The following WDR31 variants were observed in gnomAD, a reference collection of about 807,000 sequenced individuals.
WDR31 encodes WD repeat domain 31.
A neutral mutation model predicts 47.3 loss-of-function variants in WDR31; 30 were observed. The observed-to-expected ratio is 0.63, with a 90% CI of 0.47 to 0.86. The LOEUF (loss-of-function observed/expected upper bound fraction) is 0.86. Ranked by LOEUF, WDR31 falls within the 40% of genes least tolerant of loss-of-function variation. The probability of loss-of-function intolerance (pLI) is 0.00; values close to 1 mark genes in which losing one functional copy is unlikely to be tolerated. For missense variants in WDR31, 406 were observed against 442.9 expected, an observed-to-expected ratio of 0.92 and a Z score of 0.75; for synonymous variants, 137 against 159.4, an observed-to-expected ratio of 0.86 and a Z score of 1.06.
rs139500220 is a variant in WDR31 at position 113,334,580 on chromosome 9, C to G, written c.-29+1708G>C. ...TTGAGACGGAGTTTCACTCTTGTCA[C>G]CCAGGCTGGAGTGCAATGGCGTGAT... is the stretch of plus-strand genomic sequence containing the variant. On this transcript the variant is annotated intron_variant, in intron 2 of 10. Coordinates refer to ENST00000374193, the MANE Select transcript of WDR31 (RefSeq NM_001012361.4). Among the ~76,000 whole-genome samples the G allele has an allele frequency of 6.0e-3, 908 of 151,980 alleles. 9 individuals are homozygous for G. The highest frequency in any genetic ancestry group is 0.021 in the African/African-American group (856 of 41,498).
intron 3 of WDR31, among the ~76,000 whole-genome samples, chr9:113,331,475 G>A (rs1348536863): frequency 6.6e-6 from 1 of 152,156 alleles, no homozygotes; most frequent in Non-Finnish European, 1.5e-5. Flanking sequence ...TTGAGACAGA[G>A]TCTCACTCTG....
chr9:113,316,648 C>CCAG lies in WDR31; in HGVS notation c.*98_*100dup, dbSNP rs1318857635. 7.1e-7 allele frequency: 1 copy of CCAG among 1,398,630 alleles called. No homozygotes were observed. Among genetic ancestry groups the CCAG allele is most frequent in the African/African-American group, 1.4e-5 (1 of 69,660 alleles). 86.6% of individuals were successfully genotyped at this position (1,398,630 alleles called of 1,614,324 possible). ...TGTAAATGAACCTAAGCAAAGAATA[C>CCAG]CAGCCCTACATCCCACTCCCCTCAA... is the stretch of plus-strand genomic sequence containing the variant. On this transcript the variant is annotated 3_prime_UTR_variant, in exon 11 of 11. Coordinates refer to ENST00000374193, the MANE Select transcript of WDR31 (RefSeq NM_001012361.4).
intron 5 of WDR31, among the ~76,000 whole-genome samples, chr9:113,323,676 C>T (rs974810460): frequency 2.0e-5 from 3 of 152,246 alleles, no homozygotes; most frequent in Admixed American, 6.5e-5. Flanking sequence ...CTTTATGTAG[C>T]AGATTTCCTC....
At chr9:113,318,275 G>A (rs529168235) in intron 10 of WDR31, among the ~76,000 whole-genome samples, 200 bp downstream of exon 10, 8 of 152,340 alleles carry the variant, frequency 5.3e-5, no homozygotes, top group African/African-American at 1.7e-4. Context: ...AAATCTACGT[G>A]AGTTCTCAGG....
intron 5 of WDR31, among the ~76,000 whole-genome samples, chr9:113,323,698 G>A (rs1833384694): frequency 6.6e-6 from 1 of 152,150 alleles, no homozygotes; most frequent in Non-Finnish European, 1.5e-5. Context: ...TGTCCTTCAG[G>A]GTAAGGTTAA....
chr9:113,330,889 C>A (rs1328709111), intron 4 of WDR31, 95 bp downstream of exon 4: 27 of 1,397,024 alleles, frequency 1.9e-5, no homozygotes, highest in Non-Finnish European at 2.3e-5. Context: ...CACTTGTCAA[C>A]CCTGCTCCAG....
rs547493799 is a variant in WDR31 at position 113,338,976 on chromosome 9, C to T, written c.-182+1241G>A. 3.9e-5 allele frequency among the ~76,000 whole-genome samples: 6 copies of T among 152,284 alleles called. No individual in the cohort carries two copies. In the South Asian group the frequency reaches 8.3e-4, roughly 21 times the overall value. ...AGCGCCCTTTTAACCTGCCCAACAA[C>T]ATATCCCTTAGAGAGCAGTCACCCT... On this transcript the variant is annotated intron_variant, in intron 1 of 10. Coordinates refer to ENST00000374193, the MANE Select transcript of WDR31 (RefSeq NM_001012361.4).
chr9:113,316,788 G>C lies in WDR31; in HGVS notation c.1065C>G (p.His355Gln). The C allele has an allele frequency of 6.2e-7, 1 of 1,614,128 alleles. No individual in the cohort carries two copies. Among genetic ancestry groups the C allele is most frequent in the Non-Finnish European group, 8.5e-7 (1 of 1,180,022 alleles). Residue 355 changes from histidine to glutamine, a missense_variant, in exon 11 of 11, where the codon CAC (histidine) becomes CAG (glutamine). By Grantham distance (24) the His-to-Gln change is conservative. Transcript: ENST00000374193. ...NRGIHLLRMDHSQGLELQEVA... is the reference protein window; with the variant it reads ...NRGIHLLRMDQSQGLELQEVA... ...CTTCCTGCAGTTCCAGCCCTTGGCT[G>C]TGGTCCATTCTGAGTAAGTGAATTC...
chr9:113,329,553 T>C lies in WDR31; in HGVS notation c.250-598A>G, dbSNP rs574884848. The stretch of plus-strand genomic sequence containing the variant: ...TACTAAGGAGGCTGAGACAGGAGAA[T>C]TGCTTGAACCTGGGAGGTGGAGATT... On this transcript the variant is annotated intron_variant, in intron 4 of 10. Transcript: ENST00000374193. Among the ~76,000 whole-genome samples, 25 of 151,430 alleles carry C rather than the reference T, an allele frequency of 1.7e-4. No individual in the cohort carries two copies. In the South Asian group the frequency reaches 4.8e-3, roughly 29 times the overall value.
rs529392881 is a variant in WDR31, at chr9:113,316,618, C to T, written c.*131G>A. On this transcript the variant is annotated 3_prime_UTR_variant, in exon 11 of 11. Transcript: ENST00000374193. ...AATTATTGGACTTACAACACTGATA[C>T]ATCTTGTAAATGAACCTAAGCAAAG... 1.0e-4 allele frequency: 115 copies of T among 1,122,858 alleles called. No homozygotes were observed. The highest frequency in any genetic ancestry group is 1.2e-4 in the Admixed American group (5 of 41,042). 69.6% of individuals were successfully genotyped at this position (1,122,858 alleles called of 1,614,324 possible).
Position 113,318,588 on chromosome 9 carries a change from T to C in WDR31, c.830A>G (p.His277Arg), listed in dbSNP as rs769527821. 1 of 1,614,214 alleles carries C rather than the reference T, an allele frequency of 6.2e-7. No homozygotes were observed. The highest frequency in any genetic ancestry group is 8.5e-7 in the Non-Finnish European group (1 of 1,180,032). The change falls in exon 10 of 11, where the codon CAT (histidine) becomes CGT (arginine). Residue 277 changes from histidine to arginine, a missense_variant. Physicochemically the swap from His to Arg is conservative, Grantham distance 29. Coordinates refer to ENST00000374193, the MANE Select transcript of WDR31 (RefSeq NM_001012361.4). ...TRNRICEYKG[H>R]FQTVASCVFL... ...GACGCAGGATGCGACAGTCTGGAAA[T>C]GCCCCTTATACTCACATATTCTGTT...
At chr9:113,322,239 G>GAC (rs768474171) in intron 7 of WDR31, among the ~76,000 whole-genome samples, 1 of 151,848 alleles carries the variant, frequency 6.6e-6, no homozygotes, top group Non-Finnish European at 1.5e-5. Flanking sequence ...TATAAATGAA[G>GAC]ACACAGACAC....
Position 113,316,807 on chromosome 9 carries a change from T to G in WDR31, c.1046A>C (p.His349Pro), listed in dbSNP as rs760468588. The change falls in exon 11 of 11, where the codon CAC becomes CCC. Residue 349 changes from histidine (H) to proline (P), a missense_variant. By Grantham distance (77) the His-to-Pro change is moderately conservative (BLOSUM62 -2). Transcript: ENST00000374193. ...TTGGCTGTGGTCCATTCTGAGTAAG[T>G]GAATTCCTCTGTTAAAACTTGCACA... is the stretch of plus-strand genomic sequence containing the variant. Reference protein sequence around the residue: ...LLCASFNRGIHLLRMDHSQGL... With the variant: ...LLCASFNRGIPLLRMDHSQGL... 6.2e-7 allele frequency: 1 copy of G among 1,614,106 alleles called. No homozygotes were observed. Among genetic ancestry groups the G allele is most frequent in the South Asian group, 1.1e-5 (1 of 91,072 alleles).
At chr9:113,329,025 C>A in intron 4 of WDR31, 70 bp from the exon 5 acceptor site, 1 of 1,353,758 alleles carries the variant, frequency 7.4e-7, no homozygotes, top group Non-Finnish European at 1.1e-6. Flanking sequence ...CTACTGCATT[C>A]TCACCTTACT....
rs1354091341 is a variant in WDR31, at chr9:113,313,715, G to T, written c.*3034C>A. The T allele has an allele frequency of 2.6e-5, 4 of 152,148 alleles. No individual in the cohort carries two copies. The highest frequency in any genetic ancestry group is 4.4e-5 in the Non-Finnish European group (3 of 68,038). 9.4% of individuals were successfully genotyped at this position (152,148 alleles called of 1,614,324 possible). A position where few individuals can be genotyped will look rare whatever the true frequency, so the allele number is the denominator to read the frequency against. On this transcript the variant is annotated 3_prime_UTR_variant, in exon 11 of 11. Coordinates refer to ENST00000374193, the MANE Select transcript of WDR31 (RefSeq NM_001012361.4). ...GAAATCACAATACAGAGAATATTGGGAATAACAAATGAGAATAAATATATT... is the reference window on the plus strand; with the variant it reads ...GAAATCACAATACAGAGAATATTGGTAATAACAAATGAGAATAAATATATT...
chr9:113,331,147 A>G (rs747527934), intron 3 of WDR31, 31 bp from the exon 4 acceptor site: 3 of 632,162 alleles, frequency 4.7e-6, no homozygotes, highest in East Asian at 1.3e-4. Flanking sequence ...GAGAGACCCA[A>G]TGGCATGGGA....
chr9:113,322,823 G>A lies in WDR31; in HGVS notation c.558C>T (p.Val186=). The A allele has an allele frequency of 6.2e-7, 1 of 1,614,116 alleles. No individual in the cohort carries two copies. The highest frequency in any genetic ancestry group is 8.5e-7 in the Non-Finnish European group (1 of 1,180,016). Residue 186 remains valine, a synonymous_variant, in exon 7 of 11, where the codon GTC becomes GTT. Transcript: ENST00000374193. The part of the protein sequence containing the change: ...VTGQSVERAS[V]SRNVVTHLCW... ...TTTGAGTTCATACCACGTTCCTGGA[G>A]ACAGATGCTCTTTCCACACTCTGTC...
At chr9:113,326,607 T>C in intron 5 of WDR31, among the ~76,000 whole-genome samples, 1 of 152,044 alleles carries the variant, frequency 6.6e-6, no homozygotes, top group East Asian at 1.9e-4. Context: ...GCTTTGACTA[T>C]AGGTATGCAC....
intron 2 of WDR31, among the ~76,000 whole-genome samples, chr9:113,335,661 C>A (rs10817483): frequency 0.27 from 41,349 of 151,946 alleles, 6,366 homozygotes; most frequent in Non-Finnish European, 0.35. Context: ...GACTTCCTGA[C>A]GAGAATAGGT....
Sources: allele counts gnomAD v4.1 joint callset (sites outside exome capture counted in the v4.1 genomes callset), GRCh38; gene constraint gnomAD v4.1.1; transcripts MANE v1.5; gene names NCBI Gene and HGNC (gene_info 2026-07-23, HGNC 2026-07-21).